The following AATF variants were observed in gnomAD, a reference collection of about 807,000 sequenced individuals.
The protein encoded by AATF is apoptosis antagonizing transcription factor, also known as protein AATF.
A neutral mutation model predicts 63.7 loss-of-function variants in AATF; 48 were observed. That is an observed-to-expected ratio of 0.75 (90% CI 0.60 to 0.96). The LOEUF (loss-of-function observed/expected upper bound fraction) is 0.96. AATF is among the 40% of genes least tolerant of loss of function. AATF has a pLI of 0.00. For synonymous variants in AATF, 258 were observed against 247.7 expected (o/e 1.04, Z -0.39); for missense variants, 639 against 685.7 (o/e 0.93, Z 0.76).
At chr17:37,000,598 T>C (rs1159527439) in intron 8 of AATF, among the ~76,000 whole-genome samples, 1 of 152,156 alleles carries the variant, frequency 6.6e-6, no homozygotes, top group Non-Finnish European at 1.5e-5. Context: ...CATGGGAAGG[T>C]CCAGGCTGAA....
rs934770443 is a variant in AATF, at chr17:36,973,351, A to G, written c.833-13266A>G. Among the ~76,000 whole-genome samples the G allele has an allele frequency of 3.7e-4, 57 of 152,342 alleles. 1 individual carries two copies. The highest frequency in any genetic ancestry group is 2.6e-4 in the Admixed American group (4 of 15,298). On this transcript the variant is annotated intron_variant, in intron 4 of 11. Transcript: ENST00000619387. The stretch of plus-strand genomic sequence containing the variant: ...AATTGGTGAGAGGCAAAGCCAGTGT[A>G]GAAACTGAGGTCTGCTGTGCCTCAC...
chr17:36,953,981 C>T lies in AATF; in HGVS notation c.832+74C>T, dbSNP rs540750135. On this transcript the variant is annotated intron_variant, in intron 4 of 11. Coordinates refer to ENST00000619387, the MANE Select transcript of AATF (RefSeq NM_012138.4). ...TGAAGACAGCTTTGATTGAAGTGGA[C>T]TGGGAGCTTGAGCCATGTTTATTGT... 6,266 of 1,497,738 alleles carry T rather than the reference C, an allele frequency of 4.2e-3. 16 individuals are homozygous for T. Among genetic ancestry groups the T allele is most frequent in the Non-Finnish European group, 5.3e-3 (5,809 of 1,099,154 alleles). The allele number at this position is 1,497,738 out of a possible 1,614,324, so 92.8% of individuals were successfully genotyped here.
intron 11 of AATF, among the ~76,000 whole-genome samples, chr17:37,041,477 T>C (rs763144107): frequency 5.3e-5 from 8 of 152,320 alleles, no homozygotes; most frequent in Non-Finnish European, 8.8e-5. Context: ...TTATGTCATT[T>C]TATCTTTGCT....
At chr17:37,045,129 T>C (rs2071678441) in intron 11 of AATF, among the ~76,000 whole-genome samples, 1 of 152,194 alleles carries the variant, frequency 6.6e-6, no homozygotes, top group South Asian at 2.1e-4. Flanking sequence ...GGAGTTCAAG[T>C]TGCTGGCAGC....
chr17:36,986,298 A>T (rs563450372), intron 4 of AATF, among the ~76,000 whole-genome samples: 1 of 152,332 alleles, frequency 6.6e-6, no homozygotes, highest in East Asian at 1.9e-4. Flanking sequence ...AATGGTTATA[A>T]TGAGAGGCCG....
At chr17:37,005,326 T>C (rs781747672) in intron 8 of AATF, among the ~76,000 whole-genome samples, 1 of 152,126 alleles carries the variant, frequency 6.6e-6, no homozygotes, top group Non-Finnish European at 1.5e-5. Context: ...TTTTGGAATC[T>C]CATTCACCTG....
At chr17:36,966,521 G>A (rs934948251) in intron 4 of AATF, among the ~76,000 whole-genome samples, 1 of 152,116 alleles carries the variant, frequency 6.6e-6, no homozygotes, top group Non-Finnish European at 1.5e-5. Flanking sequence ...TCCCGCCTCA[G>A]CCTCCCAAAA....
intron 11 of AATF, among the ~76,000 whole-genome samples, chr17:37,045,109 C>T (rs1023456042): frequency 2.0e-5 from 3 of 152,286 alleles, no homozygotes; most frequent in Non-Finnish European, 2.9e-5. Flanking sequence ...GACCTTACCT[C>T]GTTAGACTTG....
chr17:37,018,117 C>T (rs572103282), intron 8 of AATF, among the ~76,000 whole-genome samples: 24 of 152,350 alleles, frequency 1.6e-4, no homozygotes, highest in African/African-American at 5.1e-4. Flanking sequence ...TCTTTCTCTG[C>T]ATATAGCACT....
chr17:36,979,641 G>A (rs751100866), intron 4 of AATF, among the ~76,000 whole-genome samples: 2 of 152,116 alleles, frequency 1.3e-5, no homozygotes, highest in African/African-American at 4.8e-5. Flanking sequence ...TGTAATGTTT[G>A]CGTATTTATT....
intron 11 of AATF, 172 bp from the exon 12 acceptor site, chr17:37,056,429 G>A (rs542784818): frequency 1.6e-6 from 1 of 633,866 alleles, no homozygotes; most frequent in East Asian, 2.8e-5. Context: ...TGTTTGATTG[G>A]GTTTCTTCCT....
At chr17:37,004,407 A>T (rs2071326255) in intron 8 of AATF, among the ~76,000 whole-genome samples, 1 of 152,126 alleles carries the variant, frequency 6.6e-6, no homozygotes, top group Admixed American at 6.6e-5. Context: ...CTGTAATGGG[A>T]ATAGAGAAAT....
chr17:36,965,626 G>C (rs2070985370), intron 4 of AATF, among the ~76,000 whole-genome samples: 1 of 152,186 alleles, frequency 6.6e-6, no homozygotes, highest in African/African-American at 2.4e-5. Context: ...GACAAGGTAT[G>C]AATCTCATTC....
chr17:37,012,104 G>A (rs964118575), intron 8 of AATF, among the ~76,000 whole-genome samples: 2 of 151,562 alleles, frequency 1.3e-5, no homozygotes, highest in Non-Finnish European at 1.5e-5. Flanking sequence ...TCAGGCTGGA[G>A]TGCAATGGCG....
chr17:36,967,941 G>T (rs531859659), intron 4 of AATF, among the ~76,000 whole-genome samples: 1 of 147,972 alleles, frequency 6.8e-6, no homozygotes, highest in East Asian at 2.0e-4. Context: ...ATGATGCACC[G>T]TAGCGTAGAT....
At chr17:37,031,115 A>G (rs184891695) in intron 10 of AATF, among the ~76,000 whole-genome samples, 305 of 152,328 alleles carry the variant, frequency 2.0e-3, no homozygotes, top group Non-Finnish European at 3.7e-3. Flanking sequence ...TCAGCCCTAC[A>G]TATTTGTGAG....
At chr17:37,037,753 G>A (rs2071604932) in intron 11 of AATF, among the ~76,000 whole-genome samples, 1 of 152,220 alleles carries the variant, frequency 6.6e-6, no homozygotes, top group Non-Finnish European at 1.5e-5. Context: ...ATGTTGAAAT[G>A]TAATCCCCAG....
intron 4 of AATF, among the ~76,000 whole-genome samples, chr17:36,956,831 G>T (rs953549429): frequency 2.8e-4 from 42 of 152,238 alleles, no homozygotes; most frequent in African/African-American, 1.0e-3. Flanking sequence ...AAAAATATTA[G>T]CCAGGTATGG....
chr17:36,997,801 A>G (rs2071265694), intron 8 of AATF, among the ~76,000 whole-genome samples: 1 of 152,248 alleles, frequency 6.6e-6, no homozygotes, highest in South Asian at 2.1e-4. Flanking sequence ...ACAATTCACA[A>G]TTGCAAAATC....
Sources: gnomAD v4.1 joint callset for allele counts (sites outside exome capture counted in the v4.1 genomes callset) on GRCh38, gnomAD v4.1.1 for gene constraint, MANE v1.5 for transcripts, NCBI Gene and HGNC (gene_info 2026-07-23, HGNC 2026-07-21) for gene names.